FSTL4: variants seen among roughly 807,000 people sequenced by gnomAD.
FSTL4 encodes follistatin like 4, also known as follistatin-related protein 4.
A neutral mutation model predicts 78.2 loss-of-function variants in FSTL4; 28 were observed. That is an observed-to-expected ratio of 0.36 (90% CI 0.27 to 0.49). The LOEUF (loss-of-function observed/expected upper bound fraction) is 0.49, where lower values mean the gene tolerates loss of function less well. Ranked by LOEUF, FSTL4 falls within the 20% of genes least tolerant of loss-of-function variation. The probability of loss-of-function intolerance (pLI) is 0.98; values close to 1 mark genes in which losing one functional copy is unlikely to be tolerated. For synonymous variants in FSTL4, 422 were observed against 440.5 expected (o/e 0.96, Z 0.53); for missense variants, 922 against 1,084.9 (o/e 0.85, Z 2.11).
intron 3 of FSTL4, among the ~76,000 whole-genome samples, chr5:133,501,075 G>A (rs1758485618): frequency 6.6e-6 from 1 of 152,154 alleles, no homozygotes; most frequent in African/African-American, 2.4e-5. Context: ...TATCACTCAT[G>A]GTGGGAAATG....
intron 4 of FSTL4, among the ~76,000 whole-genome samples, chr5:133,368,485 C>T (rs747560484): frequency 6.6e-6 from 1 of 152,222 alleles, no homozygotes; most frequent in African/African-American, 2.4e-5. Flanking sequence ...TAAACCATAA[C>T]CATGAGCATA....
intron 6 of FSTL4, chr5:133,312,387 C>A: frequency 2.2e-6 from 1 of 462,766 alleles, no homozygotes; most frequent in Non-Finnish European, 3.9e-6. Flanking sequence ...GCCCTCACAG[C>A]TATGCTTCAA....
At chr5:133,233,649 G>A (rs1344372611) in intron 7 of FSTL4, 112 bp from the exon 8 acceptor site, 6 of 1,331,190 alleles carry the variant, frequency 4.5e-6, no homozygotes, top group Middle Eastern at 2.1e-4. Flanking sequence ...GTTCCTTTCT[G>A]CCTGGCCCTT....
At chr5:133,478,338 C>G (rs1299007980) in intron 3 of FSTL4, among the ~76,000 whole-genome samples, 1 of 152,206 alleles carries the variant, frequency 6.6e-6, no homozygotes, top group Non-Finnish European at 1.5e-5. Context: ...GACTGCTCAT[C>G]TGAAATTCTA....
At chr5:133,761,311 G>A in the FSTL4 span, among the ~76,000 whole-genome samples, 6 of 152,110 alleles carry the variant, frequency 3.9e-5, no homozygotes, top group African/African-American at 1.2e-4. Flanking sequence ...CTGTTACTGT[G>A]AAAAATTGCT....
At chr5:133,346,257 G>C (rs1294080147) in intron 4 of FSTL4, among the ~76,000 whole-genome samples, 1 of 152,140 alleles carries the variant, frequency 6.6e-6, no homozygotes, top group Admixed American at 6.5e-5. Context: ...TTGGGGGCAA[G>C]GGGAGGGAGA....
chr5:133,700,567 C>A, the FSTL4 span, among the ~76,000 whole-genome samples: 1 of 152,254 alleles, frequency 6.6e-6, no homozygotes, highest in African/African-American at 2.4e-5. Flanking sequence ...TCTGCCTATG[C>A]CAAGGGCACA....
At chr5:133,705,052 A>G in the FSTL4 span, among the ~76,000 whole-genome samples, 1 of 152,096 alleles carries the variant, frequency 6.6e-6, no homozygotes, top group South Asian at 2.1e-4. Context: ...TTAGTGGAAT[A>G]TATGTTTTTG....
intron 4 of FSTL4, among the ~76,000 whole-genome samples, chr5:133,337,521 A>C (rs1044898357): frequency 1.3e-5 from 2 of 152,208 alleles, no homozygotes; most frequent in African/African-American, 4.8e-5. Flanking sequence ...AAGCGCCGTG[A>C]TTATAGCTTT....
chr5:133,626,641 A>G, the FSTL4 span, among the ~76,000 whole-genome samples: 1 of 151,524 alleles, frequency 6.6e-6, no homozygotes, highest in Admixed American at 6.6e-5. Context: ...TTCCTCTTTG[A>G]CCCATGGATT....
chr5:133,463,407 CT>C (rs1179991654), intron 3 of FSTL4, among the ~76,000 whole-genome samples: 1 of 152,196 alleles, frequency 6.6e-6, no homozygotes, highest in Admixed American at 6.5e-5. Context: ...ATTTTCCATC[CT>C]TTCCCTTACT....
chr5:133,268,426 C>T (rs577025642), intron 6 of FSTL4, among the ~76,000 whole-genome samples: 2 of 152,178 alleles, frequency 1.3e-5, no homozygotes, highest in Admixed American at 6.5e-5. Context: ...CAAGTCACTA[C>T]CCCCCTACAT....
At chr5:133,836,584 T>C in the FSTL4 span, among the ~76,000 whole-genome samples, 1 of 152,290 alleles carries the variant, frequency 6.6e-6, no homozygotes, top group South Asian at 2.1e-4. Context: ...TCTTCATTCA[T>C]TCCTCAATTT....
rs2112987599 is a variant in FSTL4, at chr5:133,611,439, A to G, written c.-11+886T>C. On this transcript the variant is annotated intron_variant, in intron 1 of 15. Coordinates refer to ENST00000265342, the MANE Select transcript of FSTL4 (RefSeq NM_015082.2). This position sits in a 1 kb window ranked among gnomAD's most constrained non-coding sequence, Gnocchi z 4.9. ...TCAGCTCGTCCCCAAACTCGAGGCG[A>G]CAGGCGCCGAAAGCAGAGTGCTGTG... 6.6e-6 allele frequency among the ~76,000 whole-genome samples: 1 copy of G among 152,304 alleles called. No individual in the cohort carries two copies. Among genetic ancestry groups the G allele is most frequent in the Non-Finnish European group, 1.5e-5 (1 of 68,022 alleles).
intron 1 of FSTL4, among the ~76,000 whole-genome samples, chr5:133,606,128 T>C (rs1760971657): frequency 1.3e-5 from 2 of 152,200 alleles, no homozygotes; most frequent in Non-Finnish European, 2.9e-5. Flanking sequence ...CCTGTTTTTA[T>C]TGTTTTCTTG....
At chr5:133,303,249 G>GCC (rs1279005945) in intron 6 of FSTL4, among the ~76,000 whole-genome samples, 2 of 152,222 alleles carry the variant, frequency 1.3e-5, no homozygotes, top group Non-Finnish European at 2.9e-5. Context: ...GCTAGAAGAG[G>GCC]TGCTCCTTAG....
chr5:133,670,610 T>C, the FSTL4 span, among the ~76,000 whole-genome samples: 1 of 152,238 alleles, frequency 6.6e-6, no homozygotes. Flanking sequence ...CAGGAGAGTT[T>C]ATTGCTATTA....
rs1751257949 is a variant in FSTL4 at position 133,224,319 on chromosome 5, C to G, written c.1313-103G>C. 10 of 822,784 alleles carry G rather than the reference C, an allele frequency of 1.2e-5. No homozygotes were observed. The South Asian group carries it at 1.4e-4, about 11-fold the overall frequency. The allele number at this position is 822,784 out of a possible 1,614,324, so 51.0% of individuals were successfully genotyped here. On this transcript the variant is annotated intron_variant, in intron 10 of 15. Transcript: ENST00000265342. ...TGCAGTGATTCCATTTATGAAGATC[C>G]TGGTACCTAGTCCATCACTTACAGA...
chr5:133,646,631 C>T, the FSTL4 span, among the ~76,000 whole-genome samples: 2 of 152,048 alleles, frequency 1.3e-5, no homozygotes, highest in African/African-American at 4.8e-5. Context: ...GTGGTTCCTT[C>T]AAGGTGCAGA....
Sources: allele counts gnomAD v4.1 joint callset (sites outside exome capture counted in the v4.1 genomes callset), GRCh38; gene constraint gnomAD v4.1.1; non-coding constraint Gnocchi (gnomAD v3.1); transcripts MANE v1.5; gene names NCBI Gene and HGNC (gene_info 2026-07-23, HGNC 2026-07-21).